APLP2: variants seen among roughly 807,000 people sequenced by gnomAD.
APLP2 encodes amyloid beta precursor like protein 2.
APLP2 carries 53 observed loss-of-function variants against 89.9 expected under a neutral mutation model. That is an observed-to-expected ratio of 0.59 (90% confidence interval 0.47 to 0.74). APLP2 has a LOEUF of 0.74. Among genes scored for constraint, APLP2 ranks in the 30% least tolerant of loss-of-function variants. The pLI, the probability that APLP2 is intolerant of heterozygous loss-of-function variation, is 0.00. For missense variants in APLP2, 973 were observed against 975.9 expected (o/e 1.00, Z 0.04); for synonymous variants, 372 against 348.6 (o/e 1.07, Z -0.75).
At chr11:130,075,223 C>A (rs1446869661) in intron 1 of APLP2, among the ~76,000 whole-genome samples, 3 of 152,194 alleles carry the variant, frequency 2.0e-5, no homozygotes, top group Admixed American at 6.5e-5. Context: ...AGCCATGGCT[C>A]ACTGCGGCCT....
At chr11:130,088,588 T>C (rs1377206344) in intron 1 of APLP2, among the ~76,000 whole-genome samples, 3 of 152,014 alleles carry the variant, frequency 2.0e-5, no homozygotes, top group Non-Finnish European at 2.9e-5. Context: ...CTTCACTAAC[T>C]TTAAATTTTG....
chr11:130,099,656 G>A (rs1946647507), intron 1 of APLP2, among the ~76,000 whole-genome samples: 2 of 152,156 alleles, frequency 1.3e-5, no homozygotes, highest in Non-Finnish European at 1.5e-5. Flanking sequence ...AAAATATGAA[G>A]CATTAATGCA....
rs138972353 is a variant in APLP2 at position 130,094,232 on chromosome 11, T to A, written c.106-15197T>A. On this transcript the variant is annotated intron_variant, in intron 1 of 16. Coordinates refer to ENST00000338167, the MANE Select transcript of APLP2 (RefSeq NM_001142276.2). ...CCATGCCCAGCTAATTTTGTAGTTT[T>A]AGTAGAGACGGGGTTTCTCCATGTT... Among the ~76,000 whole-genome samples, 1,333 of 152,088 alleles carry A rather than the reference T, an allele frequency of 8.8e-3. 60 individuals are homozygous for A. In the East Asian group the frequency reaches 0.14, roughly 16 times the overall value.
Position 130,133,637 on chromosome 11 carries a change from A to G in APLP2, c.1593A>G (p.Thr531=). 1.2e-6 allele frequency: 2 copies of G among 1,612,870 alleles called. No individual in the cohort carries two copies. Among genetic ancestry groups the G allele is most frequent in the East Asian group, 2.2e-5 (1 of 44,864 alleles). The change falls in exon 12 of 17, where the codon ACA becomes ACG. Residue 531 remains threonine (T), a synonymous_variant. Coordinates refer to ENST00000338167, the MANE Select transcript of APLP2 (RefSeq NM_001142276.2). ...CATAACTCTGCTTCCAGGTGATGACACATCTCCACGTGATTGAAGAAAGGA... is the reference window on the plus strand; with the variant it reads ...CATAACTCTGCTTCCAGGTGATGACGCATCTCCACGTGATTGAAGAAAGGA... ...KAAQMKSQVM[T]HLHVIEERRN...
chr11:130,079,487 G>A (rs1430424751), intron 1 of APLP2, among the ~76,000 whole-genome samples: 4 of 152,136 alleles, frequency 2.6e-5, no homozygotes, highest in Non-Finnish European at 4.4e-5. Context: ...TCTTTTGTTA[G>A]ATTTATTCAT....
At position 130,109,649 on chromosome 11, in the gene APLP2, G is replaced by T. The variant is rs187642725; in HGVS notation, c.279+47G>T. The T allele has an allele frequency of 4.1e-4, 646 of 1,562,898 alleles. 6 individuals are homozygous for T. The African/African-American group carries it at 8.2e-3, about 20-fold the overall frequency. ...TGAAAGTGTTATTTTTCTGGGGCAGGGTTGAATCTGTTTACCTTAGAAATA... is the reference window on the plus strand; with the variant it reads ...TGAAAGTGTTATTTTTCTGGGGCAGTGTTGAATCTGTTTACCTTAGAAATA... On this transcript the variant is annotated intron_variant, in intron 2 of 16. Transcript: ENST00000338167.
Position 130,130,550 on chromosome 11 carries a change from C to A in APLP2, c.1584+384C>A, listed in dbSNP as rs549014584. Among the ~76,000 whole-genome samples the A allele has an allele frequency of 2.0e-4, 31 of 152,236 alleles. 1 individual carries two copies. The East Asian group carries it at 6.0e-3, about 29-fold the overall frequency. The stretch of plus-strand genomic sequence containing the variant: ...TGTTTAGACAGACACTTTTACATTC[C>A]TAGGTTTTGTCCAGCTTTACTTTCA... On this transcript the variant is annotated intron_variant, in intron 11 of 16. Transcript: ENST00000338167.
chr11:130,079,170 C>T (rs1199549679), intron 1 of APLP2, among the ~76,000 whole-genome samples: 1 of 151,958 alleles, frequency 6.6e-6, no homozygotes, highest in Non-Finnish European at 1.5e-5. Context: ...GCAGTCTCTG[C>T]TCACTGCAAC....
intron 1 of APLP2, among the ~76,000 whole-genome samples, chr11:130,088,369 C>G (rs1293767231): frequency 1.3e-5 from 2 of 152,138 alleles, no homozygotes; most frequent in Non-Finnish European, 1.5e-5. Context: ...TCGGGAGTAA[C>G]AGACCTCTGA....
chr11:130,132,752 T>G (rs1043736245), intron 11 of APLP2, among the ~76,000 whole-genome samples: 2 of 152,234 alleles, frequency 1.3e-5, no homozygotes, highest in African/African-American at 2.4e-5. Flanking sequence ...AATAGCAATT[T>G]AGTTAAATAG....
intron 1 of APLP2, among the ~76,000 whole-genome samples, chr11:130,090,268 TAA>T (rs776367852): frequency 1.7e-4 from 21 of 126,202 alleles, no homozygotes; most frequent in African/African-American, 3.5e-4. Context: ...TTTTTTTTTT[TAA>T]ATTTATTTTT....
Position 130,070,653 on chromosome 11 carries a change from G to T in APLP2, c.105+571G>T, listed in dbSNP as rs60243036. Reference sequence around the variant, plus strand: ...GGGGAGCTCCCGCGCCAGGCCGCCCGCTGCTCCCTCTGCCGCCTGGGGCCG... The same window carrying T: ...GGGGAGCTCCCGCGCCAGGCCGCCCTCTGCTCCCTCTGCCGCCTGGGGCCG... On this transcript the variant is annotated intron_variant, in intron 1 of 16. Coordinates refer to ENST00000338167, the MANE Select transcript of APLP2 (RefSeq NM_001142276.2). 4.7e-4 allele frequency: 684 copies of T among 1,470,890 alleles called. 6 individuals carry two copies. The African/African-American group carries it at 9.3e-3, about 20-fold the overall frequency. The allele number at this position is 1,470,890 out of a possible 1,614,324, so 91.1% of individuals were successfully genotyped here.
intron 1 of APLP2, among the ~76,000 whole-genome samples, chr11:130,076,021 T>C (rs1942061785): frequency 6.6e-6 from 1 of 152,372 alleles, no homozygotes; most frequent in Middle Eastern, 3.4e-3. Flanking sequence ...GATTTATTTT[T>C]TTCTTTCGCA....
At chr11:130,087,574 C>T (rs529152217) in intron 1 of APLP2, among the ~76,000 whole-genome samples, 5 of 152,144 alleles carry the variant, frequency 3.3e-5, no homozygotes, top group Admixed American at 1.3e-4. Context: ...AGTTTTCAAC[C>T]TTTGTTGAAA....
chr11:130,094,053 T>G (rs2135583263), intron 1 of APLP2, among the ~76,000 whole-genome samples: 1 of 141,804 alleles, frequency 7.1e-6, no homozygotes, highest in East Asian at 2.1e-4. Flanking sequence ...CCGTATTTTT[T>G]TTTTTTTTTT....
At position 130,140,826 on chromosome 11, in the gene APLP2, T is replaced by G. The variant is rs542312741; in HGVS notation, c.1923+343T>G. ...GTTTTGTTCTTATACTGCCTTAGGTTTATACCCCCTTTTATTCACCTAGTA... is the reference window on the plus strand; with the variant it reads ...GTTTTGTTCTTATACTGCCTTAGGTGTATACCCCCTTTTATTCACCTAGTA... On this transcript the variant is annotated intron_variant, in intron 14 of 16. Transcript: ENST00000338167. 1.2e-3 allele frequency: 199 copies of G among 168,656 alleles called. 2 individuals carry two copies. The highest frequency in any genetic ancestry group is 4.4e-3 in the African/African-American group (187 of 42,216). 10.4% of individuals were successfully genotyped at this position (168,656 alleles called of 1,614,324 possible).
chr11:130,143,314 C>T (rs1952646551), intron 16 of APLP2, 33 bp from the exon 17 acceptor site: 2 of 1,580,348 alleles, frequency 1.3e-6, no homozygotes, highest in Admixed American at 1.7e-5. Flanking sequence ...TCTTCCCAGA[C>T]ACCACAATGA....
At chr11:130,097,730 A>G (rs1038017949) in intron 1 of APLP2, among the ~76,000 whole-genome samples, 5 of 152,200 alleles carry the variant, frequency 3.3e-5, no homozygotes, top group African/African-American at 1.2e-4. Flanking sequence ...TGTGATTTCC[A>G]GTGTTTGGTT....
intron 1 of APLP2, among the ~76,000 whole-genome samples, chr11:130,099,824 G>A (rs766132984): frequency 6.6e-6 from 1 of 152,176 alleles, no homozygotes; most frequent in East Asian, 1.9e-4. Flanking sequence ...CCAGTTCTGC[G>A]CAATTGCAGC....
Sources: gnomAD v4.1 joint callset for allele counts (sites outside exome capture counted in the v4.1 genomes callset) on GRCh38, gnomAD v4.1.1 for gene constraint, MANE v1.5 for transcripts, NCBI Gene and HGNC (gene_info 2026-07-23, HGNC 2026-07-21) for gene names.